SGCZ: variants seen among roughly 807,000 people sequenced by gnomAD.
SGCZ encodes zeta-sarcoglycan.
A neutral mutation model predicts 41.3 loss-of-function variants in SGCZ; 40 were observed. The observed-to-expected ratio is 0.97, with a 90% CI of 0.75 to 1.26. The LOEUF is 1.26. Ranked by LOEUF, SGCZ falls within the 50% of genes most tolerant of loss-of-function variation. The probability of loss-of-function intolerance (pLI) is 0.00; values close to 1 mark genes in which losing one functional copy is unlikely to be tolerated. For missense variants in SGCZ, 552 were observed against 369.8 expected (o/e 1.49, Z -4.04); for synonymous variants, 206 against 137.5 (o/e 1.50, Z -3.49).
chr8:14,973,854 G>C (rs1421419220), intron 1 of SGCZ, among the ~76,000 whole-genome samples: 1 of 151,986 alleles, frequency 6.6e-6, no homozygotes, highest in Non-Finnish European at 1.5e-5. Context: ...TTATTTAGTT[G>C]AACCCAGTGC....
chr8:14,764,085 A>G (rs1799969422), intron 1 of SGCZ, among the ~76,000 whole-genome samples: 1 of 152,206 alleles, frequency 6.6e-6, no homozygotes, highest in South Asian at 2.1e-4. Flanking sequence ...TTTGTCAGGA[A>G]AAAAGGAAAT....
chr8:14,410,080 G>A (rs1239536972), intron 2 of SGCZ, among the ~76,000 whole-genome samples: 1 of 152,058 alleles, frequency 6.6e-6, no homozygotes, highest in African/African-American at 2.4e-5. Context: ...AGTAAGACCA[G>A]GGGTGGCGTT....
chr8:14,342,544 T>C (rs558290710), intron 2 of SGCZ, among the ~76,000 whole-genome samples: 13 of 152,218 alleles, frequency 8.5e-5, no homozygotes, highest in African/African-American at 2.6e-4. Context: ...CTCGATCTCC[T>C]GAACTGGTGA....
intron 6 of SGCZ, among the ~76,000 whole-genome samples, chr8:14,106,775 A>G (rs141645641): frequency 2.0e-5 from 3 of 152,204 alleles, no homozygotes; most frequent in African/African-American, 7.2e-5. Context: ...CCAACTTTAA[A>G]AGTGACTTTT....
intron 1 of SGCZ, among the ~76,000 whole-genome samples, chr8:14,619,570 G>T (rs949926949): frequency 2.0e-5 from 3 of 152,140 alleles, no homozygotes; most frequent in Admixed American, 6.5e-5. Context: ...ATCTCCTTAA[G>T]CTGATAAGCA....
rs760080379 is a variant in SGCZ at position 14,090,670 on chromosome 8, T to A, written c.745-33A>T. The A allele has an allele frequency of 1.9e-6, 3 of 1,588,414 alleles. No homozygotes were observed. In the South Asian group the frequency reaches 3.4e-5, roughly 18 times the overall value. Reference sequence around the variant, plus strand: ...AAAAAAGAAATTGCATTTTAATTCATTTTAGAAATGTAGCATCGAGTAATC... The same window carrying A: ...AAAAAAGAAATTGCATTTTAATTCAATTTAGAAATGTAGCATCGAGTAATC... On this transcript the variant is annotated intron_variant, in intron 7 of 7. Transcript: ENST00000382080.
chr8:15,045,473 T>C (rs1470263613), intron 1 of SGCZ, among the ~76,000 whole-genome samples: 1 of 152,050 alleles, frequency 6.6e-6, no homozygotes, highest in Non-Finnish European at 1.5e-5. Flanking sequence ...CATGTTTCAA[T>C]CAGTAATAAC....
chr8:14,709,005 T>C (rs1260808859), intron 1 of SGCZ, among the ~76,000 whole-genome samples: 1 of 152,156 alleles, frequency 6.6e-6, no homozygotes, highest in African/African-American at 2.4e-5. Context: ...AAGTCCTTAA[T>C]TGTGGCTAAA....
At chr8:14,427,632 G>T (rs778226178) in intron 2 of SGCZ, among the ~76,000 whole-genome samples, 70 of 152,274 alleles carry the variant, frequency 4.6e-4, no homozygotes, top group Non-Finnish European at 7.2e-4. Flanking sequence ...ATTACCAAGA[G>T]GGCTTTACAG....
At chr8:14,436,304 G>T (rs1021379927) in intron 2 of SGCZ, among the ~76,000 whole-genome samples, 2 of 152,164 alleles carry the variant, frequency 1.3e-5, no homozygotes, top group Non-Finnish European at 2.9e-5. Flanking sequence ...TAAGAGCGAA[G>T]AATAATATTC....
At chr8:14,495,767 C>G (rs1026843866) in intron 2 of SGCZ, among the ~76,000 whole-genome samples, 2 of 135,380 alleles carry the variant, frequency 1.5e-5, no homozygotes, top group Non-Finnish European at 3.2e-5. Flanking sequence ...AATGAGACGA[C>G]GTTAGATAAA....
chr8:14,335,466 C>T (rs1233277632), intron 2 of SGCZ, among the ~76,000 whole-genome samples: 2 of 151,982 alleles, frequency 1.3e-5, no homozygotes, highest in Non-Finnish European at 2.9e-5. Flanking sequence ...TGGTAATCAC[C>T]CATTTGGAAA....
chr8:14,893,389 C>G (rs1473845068), intron 1 of SGCZ, among the ~76,000 whole-genome samples: 1 of 152,148 alleles, frequency 6.6e-6, no homozygotes, highest in Non-Finnish European at 1.5e-5. Context: ...CGTCAAACTT[C>G]TGGCCTATAA....
At chr8:15,057,764 C>T (rs1486275682) in intron 1 of SGCZ, among the ~76,000 whole-genome samples, 1 of 152,214 alleles carries the variant, frequency 6.6e-6, no homozygotes, top group African/African-American at 2.4e-5. Flanking sequence ...AGTTTTTTCA[C>T]TCAGAGCTAA....
intron 5 of SGCZ, among the ~76,000 whole-genome samples, chr8:14,131,517 T>C (rs1318355174): frequency 1.3e-5 from 2 of 152,180 alleles, no homozygotes; most frequent in East Asian, 3.9e-4. Context: ...TTGAGAATCT[T>C]TTATCTATGA....
intron 1 of SGCZ, among the ~76,000 whole-genome samples, chr8:15,018,035 T>G (rs1803106314): frequency 6.6e-6 from 1 of 152,130 alleles, no homozygotes. Context: ...TGGCTCAAAG[T>G]CAAAGCTGTA....
At chr8:15,162,928 AGAG>A (rs1279025026) in intron 1 of SGCZ, among the ~76,000 whole-genome samples, 3 of 152,242 alleles carry the variant, frequency 2.0e-5, no homozygotes, top group Non-Finnish European at 4.4e-5. Flanking sequence ...TGAAGATGAA[AGAG>A]GAGAAGTAAA....
chr8:14,338,146 G>A (rs1802565334), intron 2 of SGCZ, among the ~76,000 whole-genome samples: 1 of 152,164 alleles, frequency 6.6e-6, no homozygotes, highest in Non-Finnish European at 1.5e-5. Context: ...GGACCCAGAA[G>A]CTATTGACCT....
At chr8:15,173,497 G>A (rs1424102931) in intron 1 of SGCZ, among the ~76,000 whole-genome samples, 1 of 152,138 alleles carries the variant, frequency 6.6e-6, no homozygotes, top group African/African-American at 2.4e-5. Flanking sequence ...TTACATGAGT[G>A]TCTTTAATTG....
Sources: allele counts gnomAD v4.1 joint callset (sites outside exome capture counted in the v4.1 genomes callset), GRCh38; gene constraint gnomAD v4.1.1; transcripts MANE v1.5; gene names NCBI Gene and HGNC (gene_info 2026-07-23, HGNC 2026-07-21).